Variants in DENND11 observed in about 807,000 individuals in gnomAD.
DENND11 encodes DENN domain-containing protein 11.
A neutral mutation model predicts 49.2 loss-of-function variants in DENND11; 34 were observed. The observed-to-expected ratio is 0.69, with a 90% CI of 0.53 to 0.92. The LOEUF (loss-of-function observed/expected upper bound fraction) is 0.92. DENND11 is among the 40% of genes least tolerant of loss of function. DENND11 has a pLI of 0.00. For missense variants in DENND11, 475 were observed against 581.6 expected (o/e 0.82, Z 1.88); for synonymous variants, 238 against 230.3 (o/e 1.03, Z -0.30).
intron 8 of DENND11, 78 bp downstream of exon 8, chr7:141,664,094 T>C: frequency 1.7e-6 from 2 of 1,207,866 alleles, no homozygotes; most frequent in South Asian, 1.4e-5. Flanking sequence ...CCGCAGTGAA[T>C]GACATGGGAG....
chr7:141,665,921 G>A (rs968534490), intron 5 of DENND11, among the ~76,000 whole-genome samples: 8 of 151,532 alleles, frequency 5.3e-5, no homozygotes. Flanking sequence ...CTCCTCCTCC[G>A]TCCCCCATCT....
At chr7:141,695,476 C>T (rs1346038575) in intron 1 of DENND11, among the ~76,000 whole-genome samples, 1 of 152,202 alleles carries the variant, frequency 6.6e-6, no homozygotes, top group Non-Finnish European at 1.5e-5. Context: ...AGAAACATTA[C>T]AAATGAAAAC....
chr7:141,690,390 T>TTCC (rs533600990), intron 1 of DENND11, among the ~76,000 whole-genome samples: 31 of 152,176 alleles, frequency 2.0e-4, no homozygotes, highest in Admixed American at 1.2e-3. Context: ...ACTCTTCCTT[T>TTCC]TCCTCCTCCT....
intron 3 of DENND11, among the ~76,000 whole-genome samples, chr7:141,677,497 G>A (rs1798080249): frequency 7.6e-6 from 1 of 131,480 alleles, no homozygotes; most frequent in African/African-American, 2.9e-5. Context: ...ATGTGTGTGT[G>A]TGTGTGTATA....
chr7:141,685,519 T>C lies in DENND11; in HGVS notation c.486A>G (p.Thr162=), dbSNP rs1798224756. The C allele has an allele frequency of 1.2e-6, 2 of 1,613,784 alleles. No individual in the cohort carries two copies. The highest frequency in any genetic ancestry group is 1.7e-6 in the Non-Finnish European group (2 of 1,179,838). The change falls in exon 3 of 9, where the codon ACA becomes ACG. Residue 162 remains threonine, a synonymous_variant. Transcript: ENST00000536163. ...AGAAGTGCATGTAGCGGTAAAGCAG[T>C]GTGTAGGAGGGAGAGAGGATGCCCA... is the stretch of plus-strand genomic sequence containing the variant. ...KSVGILSPSY[T]LLYRYMHFLE... is the part of the protein sequence containing the mutation.
rs190440010 is a variant in DENND11 at position 141,687,532 on chromosome 7, C to T, written c.269-874G>A. 4.5e-3 allele frequency among the ~76,000 whole-genome samples: 676 copies of T among 151,392 alleles called. 4 individuals carry two copies. Among genetic ancestry groups the T allele is most frequent in the African/African-American group, 0.013 (554 of 41,250 alleles). ...AGGCTGGAGTGCAGTGGCACAATCT[C>T]GGGTCACTGCAAGCTCCACCTCCCA... On this transcript the variant is annotated intron_variant, in intron 1 of 8. Coordinates refer to ENST00000536163, the MANE Select transcript of DENND11 (RefSeq NM_001080392.2).
chr7:141,673,478 G>A (rs75012765), intron 4 of DENND11, among the ~76,000 whole-genome samples: 8,478 of 152,094 alleles, frequency 0.056, 411 homozygotes, highest in African/African-American at 0.12. Flanking sequence ...GTTCTCCCTT[G>A]GACTCTTGGC....
At chr7:141,668,600 CAACA>C (rs1562996177) in intron 4 of DENND11, among the ~76,000 whole-genome samples, 1 of 150,742 alleles carries the variant, frequency 6.6e-6, no homozygotes, top group East Asian at 1.9e-4. Flanking sequence ...AACAAACAAA[CAACA>C]AACAAAAACA....
chr7:141,682,056 TG>T (rs754507299), intron 3 of DENND11, among the ~76,000 whole-genome samples: 10 of 152,210 alleles, frequency 6.6e-5, no homozygotes, highest in African/African-American at 2.4e-5. Context: ...GCTTGTATTG[TG>T]GTTCCTACTT....
intron 7 of DENND11, 39 bp downstream of exon 7, chr7:141,664,865 G>A (rs746241389): frequency 3.2e-6 from 5 of 1,585,910 alleles, no homozygotes; most frequent in African/African-American, 2.7e-5. Flanking sequence ...CTGCCCTGAG[G>A]AGGGTGGAGC....
chr7:141,693,929 T>C (rs963069830), intron 1 of DENND11, among the ~76,000 whole-genome samples: 2 of 152,202 alleles, frequency 1.3e-5, no homozygotes, highest in South Asian at 2.1e-4. Context: ...TCAAAACCCA[T>C]TGAACTGTAC....
chr7:141,672,563 T>C (rs1401183689), intron 4 of DENND11, among the ~76,000 whole-genome samples: 1 of 152,210 alleles, frequency 6.6e-6, no homozygotes, highest in Non-Finnish European at 1.5e-5. Flanking sequence ...CACCTGATCT[T>C]AGAGGTGGAT....
intron 4 of DENND11, among the ~76,000 whole-genome samples, chr7:141,670,373 C>T (rs1029720430): frequency 5.3e-5 from 8 of 152,080 alleles, no homozygotes; most frequent in African/African-American, 1.9e-4. Context: ...CCCCTAATAC[C>T]ATATTCTCAG....
chr7:141,668,509 C>G (rs12155116), intron 4 of DENND11, among the ~76,000 whole-genome samples: 17,084 of 152,266 alleles, frequency 0.11, 1,353 homozygotes, highest in East Asian at 0.35. Context: ...TTGCTTGAAT[C>G]TGGGAGGCAG....
intron 1 of DENND11, among the ~76,000 whole-genome samples, chr7:141,692,658 A>G (rs1268814363): frequency 2.0e-5 from 3 of 152,116 alleles, no homozygotes; most frequent in African/African-American, 7.2e-5. Flanking sequence ...TAGGCAACAT[A>G]GCGAGACCCT....
In DENND11 at chr7:141,674,089, C is replaced by T. The variant is rs367827334; in HGVS notation, c.659G>A (p.Arg220Gln). 1.1e-4 allele frequency: 178 copies of T among 1,604,056 alleles called. No homozygotes were observed. The highest frequency in any genetic ancestry group is 2.4e-4 in the South Asian group (21 of 88,738). ...CACCTTCATCTCAGGGTACATGTATCGGTGGATGGAAGGCAGCCAGTAGAC... is the reference window on the plus strand; with the variant it reads ...CACCTTCATCTCAGGGTACATGTATTGGTGGATGGAAGGCAGCCAGTAGAC... ...PPVYWLPSIHRYMYPEMKITH... is the reference protein window; with the variant it reads ...PPVYWLPSIHQYMYPEMKITH... The change falls in exon 4 of 9, where the codon CGA becomes CAA. Residue 220 changes from arginine to glutamine, a missense_variant. Coordinates refer to ENST00000536163, the MANE Select transcript of DENND11 (RefSeq NM_001080392.2).
chr7:141,667,487 A>G (rs949610433), intron 4 of DENND11, among the ~76,000 whole-genome samples: 4 of 152,210 alleles, frequency 2.6e-5, no homozygotes, highest in Admixed American at 2.6e-4. Context: ...GAAATAGCAC[A>G]TAAAAATAGC....
chr7:141,669,030 C>T (rs1392020011), intron 4 of DENND11, among the ~76,000 whole-genome samples: 1 of 152,176 alleles, frequency 6.6e-6, no homozygotes, highest in Non-Finnish European at 1.5e-5. Flanking sequence ...TAGACCCATG[C>T]CTGCCACTAG....
rs1206488671 is a variant in DENND11, at chr7:141,658,888, G to A, written c.*3768C>T. The A allele has an allele frequency of 1.3e-5, 2 of 152,530 alleles. No individual in the cohort carries two copies. Among genetic ancestry groups the A allele is most frequent in the African/African-American group, 4.8e-5 (2 of 41,408 alleles). The allele number at this position is 152,530 out of a possible 1,614,324, so 9.4% of individuals were successfully genotyped here. Reference sequence around the variant, plus strand: ...AAGATGAGTGATTTCATCTTTTACTGTGTTTGAAGGGCTTTCAGTGCATCA... The same window carrying A: ...AAGATGAGTGATTTCATCTTTTACTATGTTTGAAGGGCTTTCAGTGCATCA... On this transcript the variant is annotated 3_prime_UTR_variant, in exon 9 of 9. Coordinates refer to ENST00000536163, the MANE Select transcript of DENND11 (RefSeq NM_001080392.2).
Sources: allele counts gnomAD v4.1 joint callset (sites outside exome capture counted in the v4.1 genomes callset), GRCh38; gene constraint gnomAD v4.1.1; transcripts MANE v1.5; gene names NCBI Gene and HGNC (gene_info 2026-07-23, HGNC 2026-07-21).